Variants in LMNTD1 observed in about 807,000 individuals in gnomAD.
LMNTD1 encodes lamin tail domain containing 1, also known as lamin tail domain-containing protein 1.
A neutral mutation model predicts 50.9 loss-of-function variants in LMNTD1; 35 were observed. The ratio of observed to expected loss-of-function variants is 0.69; its 90% CI spans 0.53 to 0.91. The LOEUF (loss-of-function observed/expected upper bound fraction) is 0.91, where lower values mean the gene tolerates loss of function less well. LMNTD1 is among the 40% of genes least tolerant of loss of function. The probability of loss-of-function intolerance (pLI) is 0.00; values close to 1 mark genes in which losing one functional copy is unlikely to be tolerated. For missense variants in LMNTD1, 470 were observed against 475.5 expected, an observed-to-expected ratio of 0.99 and a Z score of 0.11; for synonymous variants, 153 against 161.9, an observed-to-expected ratio of 0.94 and a Z score of 0.42.
rs555269403 is a variant in LMNTD1 at position 25,590,566 on chromosome 12, G to A, written c.59-44012C>T. Among the ~76,000 whole-genome samples the A allele has an allele frequency of 3.1e-3, 470 of 152,298 alleles. 2 individuals are homozygous for A. Among genetic ancestry groups the A allele is most frequent in the African/African-American group, 0.01 (431 of 41,566 alleles). ...TCATGTGACCTACTGAGAAACCAGC[G>A]AGGTGTCTAAGGGGGTGCTAGCATC... On this transcript the variant is annotated intron_variant, in intron 1 of 7. Coordinates refer to the LMNTD1 transcript ENST00000445693.
At chr12:25,529,635 C>G (rs1359123995) in intron 4 of LMNTD1, among the ~76,000 whole-genome samples, 7 of 152,180 alleles carry the variant, frequency 4.6e-5, no homozygotes, top group African/African-American at 7.2e-5. Context: ...CTTTATCACG[C>G]TCTCATCATT....
At chr12:25,529,553 G>A (rs932919317) in intron 4 of LMNTD1, among the ~76,000 whole-genome samples, 14 of 151,956 alleles carry the variant, frequency 9.2e-5, no homozygotes, top group Admixed American at 2.6e-4. Context: ...TTCCTTATTC[G>A]TGACCAGGTT....
intron 1 of LMNTD1, among the ~76,000 whole-genome samples, chr12:25,568,104 A>C (rs1944634422): frequency 6.6e-6 from 1 of 152,206 alleles, no homozygotes; most frequent in Non-Finnish European, 1.5e-5. Flanking sequence ...AGTGAAGTCC[A>C]GTCTGAGAAG....
intron 9 of LMNTD1, among the ~76,000 whole-genome samples, chr12:25,478,567 C>A (rs1938344623): frequency 6.6e-6 from 1 of 152,148 alleles, no homozygotes. Context: ...GGCGAATCAC[C>A]TGAGGTCAGG....
chr12:25,567,438 T>C (rs1944599757), intron 1 of LMNTD1, among the ~76,000 whole-genome samples: 1 of 152,248 alleles, frequency 6.6e-6, no homozygotes, highest in Admixed American at 6.5e-5. Context: ...TTCCTATATG[T>C]GTTAAATACT....
intron 6 of LMNTD1, among the ~76,000 whole-genome samples, chr12:25,524,221 CTTA>C (rs1403388480): frequency 6.6e-6 from 1 of 152,174 alleles, no homozygotes; most frequent in Non-Finnish European, 1.5e-5. Flanking sequence ...ATTGCAATTA[CTTA>C]TTATTACATA....
intron 1 of LMNTD1, among the ~76,000 whole-genome samples, chr12:25,607,154 T>C (rs1096007): frequency 0.019 from 2,926 of 152,312 alleles, 42 homozygotes; most frequent in African/African-American, 0.033. Context: ...TGGTAGTTTG[T>C]ATTTATGTGG....
In LMNTD1 at chr12:25,526,211, G is replaced by T. The variant is rs756947017; in HGVS notation, c.686C>A (p.Ala229Glu). ...MQANSTVTVW[A>E]AASEAKHQPP... ...TTGATGCTTTGCTTCAGATGCTGCT[G>T]CCCACACCTGTAATAAAATTGTTAA... The change falls in exon 6 of 10, where the codon GCA becomes GAA. Residue 229 changes from alanine to glutamate, a missense_variant. Physicochemically the swap from Ala to Glu is moderately radical, Grantham distance 107 (BLOSUM62 -1). Transcript: ENST00000458174. The T allele has an allele frequency of 1.2e-6, 2 of 1,605,686 alleles. No individual in the cohort carries two copies. Among genetic ancestry groups the T allele is most frequent in the South Asian group, 2.2e-5 (2 of 89,398 alleles).
At chr12:25,598,866 TC>T (rs993395509) in intron 1 of LMNTD1, among the ~76,000 whole-genome samples, 32 of 151,764 alleles carry the variant, frequency 2.1e-4, no homozygotes, top group African/African-American at 7.5e-4. Context: ...AAAAAATGTC[TC>T]CCAGTAAAGA....
At chr12:25,477,723 G>A (rs1259205962) in intron 9 of LMNTD1, among the ~76,000 whole-genome samples, 1 of 152,084 alleles carries the variant, frequency 6.6e-6, no homozygotes, top group Non-Finnish European at 1.5e-5. Context: ...GGCTATTGTA[G>A]TTTCCCATTG....
intron 1 of LMNTD1, among the ~76,000 whole-genome samples, chr12:25,643,389 C>T (rs1946992633): frequency 6.6e-6 from 1 of 152,004 alleles, no homozygotes; most frequent in Non-Finnish European, 1.5e-5. Flanking sequence ...GGCCAGTGTG[C>T]TGAGTAAGCA....
chr12:25,641,262 T>C (rs996533893), intron 1 of LMNTD1, among the ~76,000 whole-genome samples: 4 of 152,210 alleles, frequency 2.6e-5, no homozygotes, highest in Non-Finnish European at 5.9e-5. Flanking sequence ...TTACCAAGAC[T>C]AGGTAATATT....
At position 25,600,602 on chromosome 12, in the gene LMNTD1, G is replaced by GA. The variant is rs57346813; in HGVS notation, c.58+47891dup. ...ATAAGGAGCTCAAACAACTCTATAG[G>GA]AAAAAATCTAATAATCTGATCAAAA... is the stretch of plus-strand genomic sequence containing the variant. On this transcript the variant is annotated intron_variant, in intron 1 of 7. Coordinates refer to the LMNTD1 transcript ENST00000445693. Among the ~76,000 whole-genome samples the GA allele has an allele frequency of 6.4e-3, 973 of 151,850 alleles. 18 individuals carry two copies. The highest frequency in any genetic ancestry group is 0.063 in the East Asian group (327 of 5,168).
At chr12:25,478,734 C>T (rs1372792473) in intron 9 of LMNTD1, among the ~76,000 whole-genome samples, 1 of 151,982 alleles carries the variant, frequency 6.6e-6, no homozygotes, top group African/African-American at 2.4e-5. Context: ...TGCAGTGAGC[C>T]GAGACTGTGC....
chr12:25,549,085 C>T (rs1461648051), intron 3 of LMNTD1, among the ~76,000 whole-genome samples: 1 of 151,930 alleles, frequency 6.6e-6, no homozygotes, highest in Non-Finnish European at 1.5e-5. Flanking sequence ...CATGATAACT[C>T]AAGATACCTT....
At chr12:25,631,609 C>T (rs1359193635) in intron 1 of LMNTD1, among the ~76,000 whole-genome samples, 1 of 152,164 alleles carries the variant, frequency 6.6e-6, no homozygotes, top group African/African-American at 2.4e-5. Flanking sequence ...AAGAGTACTA[C>T]ATCAAGGGAA....
At chr12:25,535,708 T>C (rs903961227) in intron 4 of LMNTD1, among the ~76,000 whole-genome samples, 8 of 152,070 alleles carry the variant, frequency 5.3e-5, no homozygotes, top group South Asian at 2.1e-4. Context: ...AACAAGATGG[T>C]AGACTAAACC....
chr12:25,521,223 T>A (rs939647779), intron 6 of LMNTD1, among the ~76,000 whole-genome samples: 2 of 152,152 alleles, frequency 1.3e-5, no homozygotes, highest in African/African-American at 4.8e-5. Context: ...CTTGACATAC[T>A]CCATGCCCAC....
intron 1 of LMNTD1, among the ~76,000 whole-genome samples, chr12:25,616,208 G>T (rs1042193724): frequency 6.6e-6 from 1 of 152,152 alleles, no homozygotes; most frequent in South Asian, 2.1e-4. Flanking sequence ...TTTAGACAGG[G>T]TGGTAGGGGA....
Sources: gnomAD v4.1 joint callset for allele counts (sites outside exome capture counted in the v4.1 genomes callset) on GRCh38, gnomAD v4.1.1 for gene constraint, MANE v1.5 for transcripts, NCBI Gene and HGNC (gene_info 2026-07-23, HGNC 2026-07-21) for gene names.